Variants in NRXN2 observed in about 807,000 individuals in gnomAD.
NRXN2 encodes the protein neurexin-2-beta.
NRXN2 carries 29 observed loss-of-function variants against 128.8 expected under a neutral mutation model. The observed-to-expected ratio is 0.23, with a 90% CI of 0.17 to 0.31. NRXN2 has a LOEUF of 0.31. NRXN2 is among the 10% of genes least tolerant of loss of function. NRXN2 has a pLI of 1.00. For synonymous variants in NRXN2, 1,098 were observed against 1,075.2 expected, an observed-to-expected ratio of 1.02 and a Z score of -0.41; for missense variants, 1,881 against 2,452.6, an observed-to-expected ratio of 0.77 and a Z score of 4.92.
At chr11:64,677,660 T>C (rs945418423) in intron 6 of NRXN2, among the ~76,000 whole-genome samples, 10 of 151,954 alleles carry the variant, frequency 6.6e-5, no homozygotes, top group Non-Finnish European at 4.4e-5. Flanking sequence ...AATTATGCAG[T>C]ATTAGTAAGT....
chr11:64,696,063 T>C (rs199873614), intron 3 of NRXN2, among the ~76,000 whole-genome samples: 4 of 113,970 alleles, frequency 3.5e-5, no homozygotes, highest in Admixed American at 8.9e-5. Flanking sequence ...ACTTACCCCC[T>C]CTCCTTCCTC....
In NRXN2 at chr11:64,713,091, G is replaced by A. The variant is rs1445752826; in HGVS notation, c.609C>T (p.Asp203=). The change falls in exon 2 of 23, where the codon GAC becomes GAT. Residue 203 remains aspartate (D), a synonymous_variant. Transcript: ENST00000265459. ...GSQGLRGATA[D]PLCAPARNPC... is the part of the protein sequence containing the mutation. ...GGTTGCGCGCGGGCGCGCACAGCGG[G>A]TCGGCGGTGGCGCCGCGCAGGCCCT... 2 of 1,315,154 alleles carry A rather than the reference G, an allele frequency of 1.5e-6. No individual in the cohort carries two copies. Among genetic ancestry groups the A allele is most frequent in the African/African-American group, 1.5e-5 (1 of 64,538 alleles). 81.5% of individuals were successfully genotyped at this position (1,315,154 alleles called of 1,614,324 possible). A position where few individuals can be genotyped will look rare whatever the true frequency, so the allele number is the denominator to read the frequency against.
At chr11:64,676,630 C>A in intron 7 of NRXN2, 2 of 296,334 alleles carry the variant, frequency 6.7e-6, no homozygotes, top group Admixed American at 4.8e-5. Context: ...CAAAATAAAG[C>A]AATAGAAATA....
Position 64,635,431 on chromosome 11 carries a change from C to T in NRXN2, c.3425G>A (p.Gly1142Glu), listed in dbSNP as rs761200443. 3 of 1,613,784 alleles carry T rather than the reference C, an allele frequency of 1.9e-6. No individual in the cohort carries two copies. The highest frequency in any genetic ancestry group is 2.5e-6 in the Non-Finnish European group (3 of 1,179,984). Reference sequence around the variant, plus strand: ...GTAGGTGATGAGCGCTCCCCCCTTCCCAAAGATGTATGTGGTCCCGGCTGC... The same window carrying T: ...GTAGGTGATGAGCGCTCCCCCCTTCTCAAAGATGTATGTGGTCCCGGCTGC... Reference protein sequence around the residue: ...CNDPGTTYIFGKGGALITYTW... With the variant: ...CNDPGTTYIFEKGGALITYTW... The change falls in exon 18 of 23, where the codon GGG (glycine) becomes GAG (glutamate). Residue 1142 changes from glycine to glutamate, a missense_variant. Physicochemically the swap from Gly to Glu is moderately conservative, Grantham distance 98. This residue lies in a region of NRXN2 where 390 missense variants were observed against 599.6 expected (regional missense o/e 0.65). Coordinates refer to ENST00000265459, the MANE Select transcript of NRXN2 (RefSeq NM_015080.4). This position sits in a 1 kb window ranked among gnomAD's most constrained non-coding sequence, Gnocchi z 4.8.
rs201227971 is a variant in NRXN2, at chr11:64,704,479, G to GA, written c.731-6688dup. 6.8e-3 allele frequency among the ~76,000 whole-genome samples: 1,033 copies of GA among 151,226 alleles called. 10 individuals carry two copies. The highest frequency in any genetic ancestry group is 0.01 in the Non-Finnish European group (680 of 67,752). ...TTAATAAAGCTACTTCTACAAAAAC[G>GA]AAAAAAAAGAACTGTCATTTTCTCA... On this transcript the variant is annotated intron_variant, in intron 2 of 22. Transcript: ENST00000265459.
intron 17 of NRXN2, among the ~76,000 whole-genome samples, chr11:64,644,546 C>T (rs2046345436): frequency 6.6e-6 from 1 of 152,188 alleles, no homozygotes; most frequent in African/African-American, 2.4e-5. Flanking sequence ...GTCCCCCAAA[C>T]TTTTGGACGC....
chr11:64,702,771 TGCGAGAA>T (rs1196251127), intron 2 of NRXN2, among the ~76,000 whole-genome samples: 1 of 131,090 alleles, frequency 7.6e-6, no homozygotes, highest in East Asian at 2.1e-4. Context: ...AATCCCCCTC[TGCGAGAA>T]ACACCCAAGA....
intron 22 of NRXN2, among the ~76,000 whole-genome samples, chr11:64,614,838 G>T (rs2041225816): frequency 6.6e-6 from 1 of 152,264 alleles, no homozygotes. Context: ...GAGGAGCCAG[G>T]TCTTGACTGG....
rs187890418 is a variant in NRXN2, at chr11:64,606,838, G to A, written c.*358C>T. The A allele has an allele frequency of 1.4e-4, 35 of 256,462 alleles. No individual in the cohort carries two copies. The East Asian group carries it at 2.6e-3, about 19-fold the overall frequency. 15.9% of individuals were successfully genotyped at this position (256,462 alleles called of 1,614,324 possible). A position where few individuals can be genotyped will look rare whatever the true frequency, so the allele number is the denominator to read the frequency against. ...AAGAAAAATTGAGGAAAATTAACAG[G>A]ACGAGCAGTGGACACTTTACAAAAC... On this transcript the variant is annotated 3_prime_UTR_variant, in exon 23 of 23. Coordinates refer to ENST00000265459, the MANE Select transcript of NRXN2 (RefSeq NM_015080.4).
At chr11:64,612,548 G>C (rs988774847) in intron 22 of NRXN2, among the ~76,000 whole-genome samples, 1 of 151,988 alleles carries the variant, frequency 6.6e-6, no homozygotes, top group African/African-American at 2.4e-5. Flanking sequence ...CCTGACCAGG[G>C]GGACCACCAG....
intron 22 of NRXN2, among the ~76,000 whole-genome samples, chr11:64,618,687 G>T (rs2041890360): frequency 6.6e-6 from 1 of 152,160 alleles, no homozygotes; most frequent in South Asian, 2.1e-4. Context: ...CTTGAGCCAA[G>T]ATCGCCCCAG....
intron 7 of NRXN2, among the ~76,000 whole-genome samples, chr11:64,671,504 C>CA (rs2050624576): frequency 6.6e-6 from 1 of 152,132 alleles, no homozygotes; most frequent in African/African-American, 2.4e-5. Flanking sequence ...ACCTCCCCCC[C>CA]ACGCATCTTC....
At chr11:64,612,148 G>T (rs897839520) in intron 22 of NRXN2, among the ~76,000 whole-genome samples, 2 of 152,180 alleles carry the variant, frequency 1.3e-5, no homozygotes, top group African/African-American at 4.8e-5. Context: ...TCACACACCA[G>T]TTCAGGAAGG....
At chr11:64,624,891 C>T (rs1321617527) in intron 20 of NRXN2, among the ~76,000 whole-genome samples, 1 of 152,186 alleles carries the variant, frequency 6.6e-6, no homozygotes, top group African/African-American at 2.4e-5. Flanking sequence ...CCAAGCATCC[C>T]CAGAACTTGT....
At position 64,723,149 on chromosome 11, in the gene NRXN2, C is replaced by G. The variant is rs1229553222; in HGVS notation, c.-423G>C. 7.1e-6 allele frequency: 1 copy of G among 141,420 alleles called. No homozygotes were observed. Among genetic ancestry groups the G allele is most frequent in the Non-Finnish European group, 1.6e-5 (1 of 64,226 alleles). The allele number at this position is 141,420 out of a possible 1,614,324, so 8.8% of individuals were successfully genotyped here. ...CGGTGCCTCTCCGAGGAGGATGCTCCGCGAGTCAGGGCGGCTGCTCCCGCC... is the reference window on the plus strand; with the variant it reads ...CGGTGCCTCTCCGAGGAGGATGCTCGGCGAGTCAGGGCGGCTGCTCCCGCC... On this transcript the variant is annotated 5_prime_UTR_variant, in exon 1 of 23. Coordinates refer to ENST00000265459, the MANE Select transcript of NRXN2 (RefSeq NM_015080.4).
At chr11:64,609,224 C>T (rs1365400185) in intron 22 of NRXN2, among the ~76,000 whole-genome samples, 1 of 152,012 alleles carries the variant, frequency 6.6e-6, no homozygotes, top group Non-Finnish European at 1.5e-5. Flanking sequence ...CATTCTTCAC[C>T]CTCCACCTCT....
chr11:64,676,682 C>G (rs2051364283), intron 7 of NRXN2: 2 of 487,146 alleles, frequency 4.1e-6, no homozygotes, highest in Non-Finnish European at 7.3e-6. Context: ...AGCCGATGAA[C>G]ATGGGGCCTG....
chr11:64,660,034 GCAGGA>G lies in NRXN2; in HGVS notation c.2389+293_2389+297del, dbSNP rs1055702505. On this transcript the variant is annotated intron_variant, in intron 11 of 22. Coordinates refer to ENST00000265459, the MANE Select transcript of NRXN2 (RefSeq NM_015080.4). The surrounding 1 kb of genome is among the most constrained non-coding windows in gnomAD (Gnocchi z 5.2). ...AATGAGCTGTGTCATCTGTGTGTGTGCAGGACAGATGCTACCAAGATCCACATGAG... is the reference window on the plus strand; with the variant it reads ...AATGAGCTGTGTCATCTGTGTGTGTGCAGATGCTACCAAGATCCACATGAG... 6.6e-6 allele frequency among the ~76,000 whole-genome samples: 1 copy of G among 152,322 alleles called. No homozygotes were observed. Among genetic ancestry groups the G allele is most frequent in the African/African-American group, 2.4e-5 (1 of 41,574 alleles).
intron 7 of NRXN2, among the ~76,000 whole-genome samples, chr11:64,669,798 G>A (rs1482853148): frequency 6.6e-6 from 1 of 152,220 alleles, no homozygotes; most frequent in Non-Finnish European, 1.5e-5. Flanking sequence ...GTTTGGAAGG[G>A]TCAGCTGGGA....
Sources: gnomAD v4.1 joint callset for allele counts (sites outside exome capture counted in the v4.1 genomes callset) on GRCh38, gnomAD v4.1.1 for gene constraint, gnomAD v4.1.1 regional missense constraint, Gnocchi (gnomAD v3.1) non-coding constraint, MANE v1.5 for transcripts, NCBI Gene and HGNC (gene_info 2026-07-23, HGNC 2026-07-21) for gene names.